Variants in SACS observed in about 807,000 individuals in gnomAD.
The protein encoded by SACS is sacsin.
Under a neutral mutation model 348.0 loss-of-function variants are expected in SACS, and 197 were observed. The ratio of observed to expected loss-of-function variants is 0.57; its 90% CI spans 0.50 to 0.64. The LOEUF (loss-of-function observed/expected upper bound fraction) is 0.64, where lower values mean the gene tolerates loss of function less well. Ranked by LOEUF, SACS falls within the 30% of genes least tolerant of loss-of-function variation. The pLI, the probability that SACS is intolerant of heterozygous loss-of-function variation, is 0.00. For missense variants in SACS, 4,999 were observed against 5,360.8 expected (o/e 0.93, Z 2.11); for synonymous variants, 1,985 against 1,910.6 (o/e 1.04, Z -1.02).
chr13:23,394,062 C>T (rs1872623849), intron 2 of SACS, among the ~76,000 whole-genome samples: 1 of 152,116 alleles, frequency 6.6e-6, no homozygotes, highest in Non-Finnish European at 1.5e-5. Flanking sequence ...GCCTGGCCTT[C>T]TTGTTATTCT....
chr13:23,398,724 G>C (rs1173518632), intron 2 of SACS, among the ~76,000 whole-genome samples: 2 of 151,996 alleles, frequency 1.3e-5, no homozygotes, highest in African/African-American at 4.8e-5. Context: ...TTAAGGTAAA[G>C]GATTGTGGAG....
At chr13:23,400,007 G>T (rs1263041889) in intron 2 of SACS, among the ~76,000 whole-genome samples, 1 of 152,134 alleles carries the variant, frequency 6.6e-6, no homozygotes, top group African/African-American at 2.4e-5. Flanking sequence ...GTGCCTCTCA[G>T]GTTTTAACTA....
At position 23,365,157 on chromosome 13, in the gene SACS, G is replaced by T. The variant is rs2137781156; in HGVS notation, c.457+9C>A. On this transcript the variant is annotated intron_variant, in intron 6 of 9. Transcript: ENST00000382292. ...ACAATAAAATTTGTTCCTAATTATTGATTCTTACCCTGATATGGCGCCATA... is the reference window on the plus strand; with the variant it reads ...ACAATAAAATTTGTTCCTAATTATTTATTCTTACCCTGATATGGCGCCATA... 2 of 1,568,358 alleles carry T rather than the reference G, an allele frequency of 1.3e-6. No homozygotes were observed. The highest frequency in any genetic ancestry group is 1.7e-6 in the Non-Finnish European group (2 of 1,143,194).
Position 23,332,371 on chromosome 13 carries a change from A to C in SACS, c.11505T>G (p.Phe3835Leu). The change falls in exon 10 of 10, where the codon TTT (phenylalanine) becomes TTG (leucine). Residue 3835 changes from phenylalanine to leucine, a missense_variant. Coordinates refer to ENST00000382292, the MANE Select transcript of SACS (RefSeq NM_014363.6). ...TACCTAAGTGTTTGAACAACTGGTGAAATGTGCCAAGTTCTAAAGGTAGCT... is the reference window on the plus strand; with the variant it reads ...TACCTAAGTGTTTGAACAACTGGTGCAATGTGCCAAGTTCTAAAGGTAGCT... ...LYKLPLELGT[F>L]HQLFKHLGTE... is the part of the protein sequence containing the mutation. The C allele has an allele frequency of 6.2e-7, 1 of 1,614,052 alleles. No homozygotes were observed. The highest frequency in any genetic ancestry group is 8.5e-7 in the Non-Finnish European group (1 of 1,179,926).
In SACS at chr13:23,344,337, C is replaced by T. The variant is rs540783700; in HGVS notation, c.2186-2647G>A. Among the ~76,000 whole-genome samples the T allele has an allele frequency of 4.1e-3, 622 of 152,198 alleles. 4 individuals carry two copies. The highest frequency in any genetic ancestry group is 0.015 in the African/African-American group (609 of 41,504). ...AATTTGGCAATTTATAAAACGTATA[C>T]CTACCTTCAGGAAAATTATCTCATT... On this transcript the variant is annotated intron_variant, in intron 9 of 9. Transcript: ENST00000382292.
intron 5 of SACS, among the ~76,000 whole-genome samples, chr13:23,366,454 T>G (rs888394594): frequency 6.6e-6 from 1 of 152,204 alleles, no homozygotes; most frequent in Non-Finnish European, 1.5e-5. Context: ...CTCATGGGAT[T>G]TTAATTTTTT....
chr13:23,403,039 G>T (rs150670047), intron 2 of SACS, among the ~76,000 whole-genome samples: 1 of 152,024 alleles, frequency 6.6e-6, no homozygotes. Context: ...TTAGCTGGGC[G>T]TGGTGGCAGA....
rs558688273 is a variant in SACS, at chr13:23,396,703, C to T, written c.20+14517G>A. Reference sequence around the variant, plus strand: ...ATATTTAAATCTTTTCACTGTTTTTCTTTAATTTTGTGATACATGCCTAAC... The same window carrying T: ...ATATTTAAATCTTTTCACTGTTTTTTTTTAATTTTGTGATACATGCCTAAC... On this transcript the variant is annotated intron_variant, in intron 2 of 9. Transcript: ENST00000382292. Among the ~76,000 whole-genome samples, 12 of 152,174 alleles carry T rather than the reference C, an allele frequency of 7.9e-5. No homozygotes were observed. In the South Asian group the frequency reaches 2.3e-3, roughly 29 times the overall value.
intron 2 of SACS, among the ~76,000 whole-genome samples, chr13:23,406,681 T>C (rs778036218): frequency 6.6e-6 from 1 of 152,200 alleles, no homozygotes; most frequent in Non-Finnish European, 1.5e-5. Flanking sequence ...AATTTTATTA[T>C]AGGTAAATTG....
chr13:23,364,614 G>A (rs559278403), intron 6 of SACS, among the ~76,000 whole-genome samples: 2 of 152,252 alleles, frequency 1.3e-5, no homozygotes, highest in East Asian at 3.9e-4. Context: ...CATTCTTTTT[G>A]ACACCAAAGC....
intron 1 of SACS, among the ~76,000 whole-genome samples, chr13:23,429,267 C>G (rs921344487): frequency 2.8e-5 from 4 of 142,530 alleles, no homozygotes; most frequent in African/African-American, 1.0e-4. Context: ...TCTTTAAAAA[C>G]TAATTCTTTG....
In SACS at chr13:23,332,344, A is replaced by G. The variant is rs756128473; in HGVS notation, c.11532T>C (p.Thr3844=). The change falls in exon 10 of 10, where the codon ACT becomes ACC. Residue 3844 remains threonine, a synonymous_variant. Transcript: ENST00000382292. ...TFHQLFKHLG[T]EDIISTKQYV... is the part of the protein sequence containing the mutation. ...ATTGCTTAGTTGAAATAATATCTTC[A>G]GTACCTAAGTGTTTGAACAACTGGT... is the stretch of plus-strand genomic sequence containing the variant. 2.0e-5 allele frequency: 32 copies of G among 1,613,928 alleles called. No homozygotes were observed. The highest frequency in any genetic ancestry group is 2.5e-5 in the Non-Finnish European group (29 of 1,179,948).
chr13:23,347,985 C>A (rs992059221), intron 9 of SACS, among the ~76,000 whole-genome samples: 1 of 152,170 alleles, frequency 6.6e-6, no homozygotes, highest in Non-Finnish European at 1.5e-5. Context: ...GGATTTTGGT[C>A]TCATCTAATA....
intron 2 of SACS, among the ~76,000 whole-genome samples, chr13:23,376,972 T>C (rs918574324): frequency 6.6e-6 from 1 of 152,184 alleles, no homozygotes; most frequent in Non-Finnish European, 1.5e-5. Flanking sequence ...TAGAATTTGA[T>C]GGAGTAGTGA....
rs1871301163 is a variant in SACS, at chr13:23,370,236, A to AT, written c.259+841dup. On this transcript the variant is annotated intron_variant, in intron 4 of 9. Coordinates refer to ENST00000382292, the MANE Select transcript of SACS (RefSeq NM_014363.6). The stretch of plus-strand genomic sequence containing the variant: ...TGTCCCCTCACTCTATCCCAATGGG[A>AT]TATGATTTCATTTCATTTTTAAAAC... Among the ~76,000 whole-genome samples the AT allele has an allele frequency of 5.9e-5, 9 of 152,320 alleles. No individual in the cohort carries two copies. The South Asian group carries it at 1.9e-3, about 32-fold the overall frequency.
In SACS at chr13:23,338,814, G is replaced by T; in HGVS notation, c.5062C>A (p.Gln1688Lys). 1 of 1,612,912 alleles carries T rather than the reference G, an allele frequency of 6.2e-7. No individual in the cohort carries two copies. The highest frequency in any genetic ancestry group is 1.1e-5 in the South Asian group (1 of 90,986). Residue 1688 changes from glutamine (Q) to lysine (K), a missense_variant, in exon 10 of 10, where the codon CAG becomes AAG. Transcript: ENST00000382292. ...LCGHRLIIFT[Q>K]SVKSMYLKYL... The stretch of plus-strand genomic sequence containing the variant: ...TTCAAATACATTGACTTTACACTCT[G>T]AGTGAAAATGATAAGCCTGTGTCCA...
intron 2 of SACS, among the ~76,000 whole-genome samples, chr13:23,395,286 C>T (rs1459828339): frequency 6.6e-6 from 1 of 152,188 alleles, no homozygotes; most frequent in Non-Finnish European, 1.5e-5. Flanking sequence ...TTCTCAAGCC[C>T]TTGATGGCTG....
rs998348033 is a variant in SACS, at chr13:23,334,743, T to C, written c.9133A>G (p.Ile3045Val). The C allele has an allele frequency of 1.9e-6, 3 of 1,613,802 alleles. No homozygotes were observed. In the Admixed American group the frequency reaches 5.0e-5, roughly 27 times the overall value. Residue 3045 changes from isoleucine to valine, a missense_variant, in exon 10 of 10, where the codon ATC (isoleucine) becomes GTC (valine). Ile to Val is a conservative substitution (Grantham distance 29). This residue lies in a region of SACS where 734 missense variants were observed against 694.0 expected (regional missense o/e 1.06). Transcript: ENST00000382292. ...LQHLKNADYNITTRKTVAENV... is the reference protein window; with the variant it reads ...LQHLKNADYNVTTRKTVAENV... ...TCTGCTACTGTTTTGCGTGTGGTGA[T>C]ATTATAATCTGCATTTTTAAGGTGT...
intron 2 of SACS, among the ~76,000 whole-genome samples, chr13:23,407,983 G>A (rs1410518838): frequency 6.6e-6 from 1 of 152,072 alleles, no homozygotes; most frequent in Non-Finnish European, 1.5e-5. Context: ...ACTGCACATT[G>A]GCTGTGAATC....
Sources: allele counts gnomAD v4.1 joint callset (sites outside exome capture counted in the v4.1 genomes callset), GRCh38; gene constraint gnomAD v4.1.1; regional missense constraint gnomAD v4.1.1; transcripts MANE v1.5; gene names NCBI Gene and HGNC (gene_info 2026-07-23, HGNC 2026-07-21).